XCR1: variants seen among roughly 807,000 people sequenced by gnomAD.
The protein encoded by XCR1 is chemokine XC receptor 1.
For synonymous variants in XCR1, 187 were observed against 188.5 expected, an observed-to-expected ratio of 0.99 and a Z score of 0.06; for missense variants, 356 against 424.2, an observed-to-expected ratio of 0.84 and a Z score of 1.41.
chr3:46,034,039 C>T (rs1354818171), intron 5 of XCR1, among the ~76,000 whole-genome samples: 1 of 151,922 alleles, frequency 6.6e-6, no homozygotes, highest in Non-Finnish European at 1.5e-5. Flanking sequence ...GTGGCGTGAT[C>T]CTGGCTCACT....
chr3:46,023,358 A>T lies in XCR1; in HGVS notation c.-31-1380T>A, dbSNP rs1464516892. On this transcript the variant is annotated intron_variant, in intron 1 of 1. Coordinates refer to ENST00000309285, the MANE Select transcript of XCR1 (RefSeq NM_001024644.2). ...AGCAGAGCAGACGAGCCGACCGTTT[A>T]TTAGCTGCAGGCAAATACGAAGAGG... The T allele has an allele frequency of 4.3e-6, 6 of 1,394,108 alleles. No homozygotes were observed. The Admixed American group carries it at 1.0e-4, about 24-fold the overall frequency. The allele number at this position is 1,394,108 out of a possible 1,614,324, so 86.4% of individuals were successfully genotyped here.
At chr3:46,035,233 G>A (rs187306766) in intron 5 of XCR1, among the ~76,000 whole-genome samples, 3 of 152,192 alleles carry the variant, frequency 2.0e-5, no homozygotes, top group South Asian at 2.1e-4. Flanking sequence ...GATTACAGGC[G>A]TGAGCCACCA....
At chr3:46,073,158 T>C (rs757417781) in intron 3 of XCR1, among the ~76,000 whole-genome samples, 1 of 152,014 alleles carries the variant, frequency 6.6e-6, no homozygotes, top group African/African-American at 2.4e-5. Context: ...GACTCAAAAC[T>C]ATAAAAATAC....
intron 1 of XCR1, among the ~76,000 whole-genome samples, chr3:46,081,274 G>C (rs1698357964): frequency 6.6e-6 from 1 of 152,134 alleles, no homozygotes; most frequent in African/African-American, 2.4e-5. Flanking sequence ...CAAACTAATT[G>C]AAGTTTTTAA....
intron 5 of XCR1, among the ~76,000 whole-genome samples, chr3:46,050,075 A>T (rs1398040673): frequency 6.6e-6 from 1 of 152,226 alleles, no homozygotes; most frequent in Non-Finnish European, 1.5e-5. Context: ...TATTACTGTT[A>T]CAGACTTGTC....
upstream of XCR1, among the ~76,000 whole-genome samples, chr3:46,030,528 G>A (rs958345726): frequency 5.3e-5 from 8 of 152,170 alleles, no homozygotes; most frequent in African/African-American, 1.2e-4. Context: ...TATACACTAT[G>A]TATAAAAAAG....
At chr3:46,046,899 C>T (rs1697640655) in intron 5 of XCR1, among the ~76,000 whole-genome samples, 2 of 152,160 alleles carry the variant, frequency 1.3e-5, no homozygotes, top group Admixed American at 1.3e-4. Context: ...TGAAAGCTCC[C>T]TGCAAATGGG....
At chr3:46,073,761 G>T (rs1575441577) in intron 3 of XCR1, among the ~76,000 whole-genome samples, 1 of 151,906 alleles carries the variant, frequency 6.6e-6, no homozygotes, top group African/African-American at 2.4e-5. Context: ...TTAAAAAGTG[G>T]GCAAAGGACA....
chr3:46,074,711 G>A (rs1481866595), exon 3 of XCR1, among the ~76,000 whole-genome samples: 4 of 152,178 alleles, frequency 2.6e-5, no homozygotes, highest in Non-Finnish European at 4.4e-5. Context: ...TTCACACTGA[G>A]TAGGCTAAAG....
At chr3:46,084,509 G>T (rs1357578578) in intron 1 of XCR1, among the ~76,000 whole-genome samples, 1 of 152,136 alleles carries the variant, frequency 6.6e-6, no homozygotes, top group South Asian at 2.1e-4. Flanking sequence ...TGCACTGGAC[G>T]CCATAACTCA....
At chr3:46,045,566 C>T (rs192116281) in intron 5 of XCR1, among the ~76,000 whole-genome samples, 13 of 152,218 alleles carry the variant, frequency 8.5e-5, no homozygotes, top group African/African-American at 2.9e-4. Flanking sequence ...CATAATTCAA[C>T]ACTCATTCAT....
chr3:46,026,764 A>G (rs1198078936), intron 1 of XCR1, among the ~76,000 whole-genome samples: 1 of 151,774 alleles, frequency 6.6e-6, no homozygotes, highest in South Asian at 2.1e-4. Context: ...TTGTATTTTT[A>G]GTAGAGACGG....
At chr3:46,069,770 T>C (rs1220839196) in intron 3 of XCR1, among the ~76,000 whole-genome samples, 1 of 152,184 alleles carries the variant, frequency 6.6e-6, no homozygotes, top group Non-Finnish European at 1.5e-5. Context: ...ATTGATAATT[T>C]GTATTGTTTT....
rs1050862599 is a variant in XCR1 at position 46,023,445 on chromosome 3, T to G, written c.-31-1467A>C. On this transcript the variant is annotated intron_variant, in intron 1 of 1. Coordinates refer to ENST00000309285, the MANE Select transcript of XCR1 (RefSeq NM_001024644.2). The stretch of plus-strand genomic sequence containing the variant: ...CTGAAGCCATGAAGCTGACACAATC[T>G]GAGCAGGCTCGTCTTTCACTGGAAT... 2.7e-6 allele frequency: 4 copies of G among 1,507,192 alleles called. No individual in the cohort carries two copies. The African/African-American group carries it at 5.5e-5, about 21-fold the overall frequency. The allele number at this position is 1,507,192 out of a possible 1,614,324, so 93.4% of individuals were successfully genotyped here.
At position 46,034,437 on chromosome 3, in the gene XCR1, C is replaced by T. The variant is rs534633761; in HGVS notation, c.-31-12459G>A. On this transcript the variant is annotated intron_variant, in intron 5 of 5. Coordinates refer to the XCR1 transcript ENST00000683768. ...TATCTCTTCTTTCCCAATCTTTATA[C>T]CTTTTATTTCCTTTTTTTTTTGTTT... 4.1e-3 allele frequency among the ~76,000 whole-genome samples: 597 copies of T among 146,716 alleles called. 4 individuals are homozygous for T. Among genetic ancestry groups the T allele is most frequent in the African/African-American group, 0.014 (582 of 40,488 alleles).
In XCR1 at chr3:46,018,286, C is replaced by T. The variant is rs1488286052; in HGVS notation, c.*2660G>A. On this transcript the variant is annotated 3_prime_UTR_variant, in exon 2 of 2. Coordinates refer to ENST00000309285, the MANE Select transcript of XCR1 (RefSeq NM_001024644.2). ...GTGAAGTGAGCTTCTCAAGGGGCCT[C>T]AACCCCCAAACCTGCCTTCTAAGAA... The T allele has an allele frequency of 6.6e-6, 1 of 152,176 alleles. No individual in the cohort carries two copies. The highest frequency in any genetic ancestry group is 2.4e-5 in the African/African-American group (1 of 41,436). The allele number at this position is 152,176 out of a possible 1,614,324, so 9.4% of individuals were successfully genotyped here.
chr3:46,066,534 C>T (rs1010525789), intron 4 of XCR1, among the ~76,000 whole-genome samples: 1 of 152,198 alleles, frequency 6.6e-6, no homozygotes, highest in Non-Finnish European at 1.5e-5. Flanking sequence ...TCGGCCATCC[C>T]GCCCAGCCAC....
rs539466225 is a variant in XCR1, at chr3:46,034,754, G to C, written c.-31-12776C>G. On this transcript the variant is annotated intron_variant, in intron 5 of 5. Transcript: ENST00000683768. ...ATGAAACTGACCCAATAGTCCCATA[G>C]AGAGCTTTTTTGATGAAAAAAGCTT... Among the ~76,000 whole-genome samples, 6 of 152,152 alleles carry C rather than the reference G, an allele frequency of 3.9e-5. No individual in the cohort carries two copies. The East Asian group carries it at 1.2e-3, about 29-fold the overall frequency.
intron 5 of XCR1, among the ~76,000 whole-genome samples, chr3:46,051,771 A>C (rs1697748906): frequency 6.6e-6 from 1 of 152,178 alleles, no homozygotes; most frequent in African/African-American, 2.4e-5. Context: ...TCACGCCTGT[A>C]ATCCCAGCAC....
Sources: gnomAD v4.1 joint callset for allele counts (sites outside exome capture counted in the v4.1 genomes callset) on GRCh38, gnomAD v4.1.1 for gene constraint, MANE v1.5 for transcripts, NCBI Gene and HGNC (gene_info 2026-07-23, HGNC 2026-07-21) for gene names.